RUNX1: variants seen among roughly 807,000 people sequenced by gnomAD.
The protein encoded by RUNX1 is runt-related transcription factor 1.
Under a neutral mutation model 42.8 loss-of-function variants are expected in RUNX1, and 19 were observed. That is an observed-to-expected ratio of 0.44 (90% CI 0.31 to 0.65). The LOEUF (loss-of-function observed/expected upper bound fraction) is 0.65. Among genes scored for constraint, RUNX1 ranks in the 30% least tolerant of loss-of-function variants. The probability of loss-of-function intolerance (pLI) is 0.07; values close to 1 mark genes in which losing one functional copy is unlikely to be tolerated. For synonymous variants in RUNX1, 271 were observed against 289.4 expected, an observed-to-expected ratio of 0.94 and a Z score of 0.64; for missense variants, 528 against 672.0, an observed-to-expected ratio of 0.79 and a Z score of 2.37.
intron 7 of RUNX1, among the ~76,000 whole-genome samples, chr21:34,804,812 G>T (rs1394394694): frequency 6.8e-6 from 1 of 146,540 alleles, no homozygotes; most frequent in South Asian, 2.2e-4. Flanking sequence ...GCGCAATCTT[G>T]GCTTACTGCA....
intron 2 of RUNX1, among the ~76,000 whole-genome samples, chr21:34,995,435 CTTTTTTTTTTTT>C (rs5843694): frequency 1.2e-5 from 1 of 82,074 alleles, no homozygotes; most frequent in African/African-American, 4.8e-5. Context: ...TTTCTGGGAG[CTTTTTTTTTTTT>C]TTTTTTTTTT....
intron 6 of RUNX1, among the ~76,000 whole-genome samples, chr21:34,854,595 G>GA (rs372998324): frequency 2.9e-4 from 39 of 135,406 alleles, no homozygotes; most frequent in South Asian, 1.4e-3. Context: ...AAAAAAAAAA[G>GA]AAAAAAAAAA....
At chr21:35,005,912 C>T (rs2059080852) in intron 2 of RUNX1, among the ~76,000 whole-genome samples, 1 of 152,300 alleles carries the variant, frequency 6.6e-6, no homozygotes, top group South Asian at 2.1e-4. Context: ...TTTCTTTCAA[C>T]TGGGATGTGT....
intron 7 of RUNX1, among the ~76,000 whole-genome samples, chr21:34,802,846 C>A (rs147007162): frequency 2.6e-5 from 4 of 152,288 alleles, no homozygotes; most frequent in African/African-American, 9.6e-5. Context: ...TTAGGCAGGT[C>A]ACTTATTTTC....
chr21:34,829,605 G>A (rs1013138221), intron 7 of RUNX1, among the ~76,000 whole-genome samples: 1 of 152,194 alleles, frequency 6.6e-6, no homozygotes, highest in Admixed American at 6.5e-5. Context: ...CACCTGTCAT[G>A]TTTATAGCCT....
intron 2 of RUNX1, among the ~76,000 whole-genome samples, chr21:34,941,645 TA>T (rs1189903935): frequency 6.6e-6 from 1 of 152,328 alleles, no homozygotes; most frequent in Middle Eastern, 3.4e-3. Context: ...TCAGCCCATA[TA>T]CTCTACAAAA....
intron 5 of RUNX1, among the ~76,000 whole-genome samples, chr21:34,874,399 CAGG>C (rs3216565): frequency 0.22 from 33,438 of 151,084 alleles, 3,795 homozygotes; most frequent in African/African-American, 0.25. Context: ...CACCCGAGAT[CAGG>C]AGTTCAAGAC....
At chr21:34,868,023 C>A (rs970187850) in intron 5 of RUNX1, among the ~76,000 whole-genome samples, 1 of 152,200 alleles carries the variant, frequency 6.6e-6, no homozygotes, top group African/African-American at 2.4e-5. Context: ...AGCTGGGAGG[C>A]CTGAGGCATG....
intron 3 of RUNX1, among the ~76,000 whole-genome samples, chr21:34,890,112 A>G (rs1480048299): frequency 6.6e-6 from 1 of 151,970 alleles, no homozygotes; most frequent in Non-Finnish European, 1.5e-5. Flanking sequence ...GCCCGGACGC[A>G]GGAGGGGGCC....
intron 7 of RUNX1, among the ~76,000 whole-genome samples, chr21:34,831,709 G>A (rs979139292): frequency 2.0e-5 from 3 of 152,178 alleles, no homozygotes; most frequent in African/African-American, 7.2e-5. Context: ...ATTTCTTAAA[G>A]TATCTTCGTA....
At chr21:34,938,380 C>T (rs1015439227) in intron 2 of RUNX1, among the ~76,000 whole-genome samples, 6 of 152,088 alleles carry the variant, frequency 3.9e-5, no homozygotes, top group African/African-American at 4.8e-5. Context: ...AATGAAAAAT[C>T]GGAATGGCTT....
At chr21:34,977,822 T>C (rs2058814357) in intron 2 of RUNX1, among the ~76,000 whole-genome samples, 1 of 152,228 alleles carries the variant, frequency 6.6e-6, no homozygotes, top group African/African-American at 2.4e-5. Flanking sequence ...GTGTGACCTA[T>C]TGCTATGTAA....
intron 6 of RUNX1, among the ~76,000 whole-genome samples, chr21:34,844,748 C>T (rs941342716): frequency 1.2e-4 from 19 of 152,188 alleles, no homozygotes; most frequent in Non-Finnish European, 2.6e-4. Context: ...CCCCCTGGGC[C>T]TCGGGGACTT....
intron 7 of RUNX1, among the ~76,000 whole-genome samples, chr21:34,807,465 CA>C (rs1421355259): frequency 6.6e-6 from 1 of 152,164 alleles, no homozygotes; most frequent in African/African-American, 2.4e-5. Flanking sequence ...AAATAAAAGT[CA>C]CATAGACCAC....
chr21:34,807,338 G>A (rs2056694025), intron 7 of RUNX1, among the ~76,000 whole-genome samples: 3 of 152,098 alleles, frequency 2.0e-5, no homozygotes, highest in African/African-American at 4.8e-5. Context: ...CCCCTTGAGC[G>A]GTGGCACCCT....
At chr21:34,899,867 G>A (rs2058163801) in intron 2 of RUNX1, among the ~76,000 whole-genome samples, 1 of 152,194 alleles carries the variant, frequency 6.6e-6, no homozygotes. Context: ...AGGACAGGCT[G>A]AATTCAGAGG....
At chr21:34,869,972 C>T (rs530550706) in intron 5 of RUNX1, among the ~76,000 whole-genome samples, 1 of 152,280 alleles carries the variant, frequency 6.6e-6, no homozygotes, top group African/African-American at 2.4e-5. Context: ...GTTGGAAAGG[C>T]TGAGTTGGGA....
intron 3 of RUNX1, chr21:34,887,786 C>G: frequency 1.9e-6 from 2 of 1,062,660 alleles, no homozygotes; most frequent in Non-Finnish European, 2.3e-6. Flanking sequence ...CATTAATGTA[C>G]GCTGCAGATT....
intron 6 of RUNX1, among the ~76,000 whole-genome samples, chr21:34,858,302 C>A (rs1294579692): frequency 6.6e-6 from 1 of 152,162 alleles, no homozygotes; most frequent in Non-Finnish European, 1.5e-5. Flanking sequence ...AACCACCATG[C>A]AGGGAAGGTC....
Sources: allele counts gnomAD v4.1 joint callset (sites outside exome capture counted in the v4.1 genomes callset), GRCh38; gene constraint gnomAD v4.1.1; transcripts MANE v1.5; gene names NCBI Gene and HGNC (gene_info 2026-07-23, HGNC 2026-07-21).